The following ATRNL1 variants were observed in gnomAD, a reference collection of about 807,000 sequenced individuals.
The protein encoded by ATRNL1 is attractin like 1.
ATRNL1 carries 95 observed loss-of-function variants against 182.7 expected under a neutral mutation model. The ratio of observed to expected loss-of-function variants is 0.52; its 90% CI spans 0.44 to 0.62. ATRNL1 has a LOEUF of 0.62. Ranked by LOEUF, ATRNL1 falls within the 20% of genes least tolerant of loss-of-function variation. The pLI, the probability that ATRNL1 is intolerant of heterozygous loss-of-function variation, is 0.00. For missense variants in ATRNL1, 1,471 were observed against 1,679.5 expected (o/e 0.88, Z 2.17); for synonymous variants, 576 against 568.3 (o/e 1.01, Z -0.19).
chr10:115,812,077 A>G (rs961681611), intron 27 of ATRNL1, among the ~76,000 whole-genome samples: 1 of 152,050 alleles, frequency 6.6e-6, no homozygotes, highest in African/African-American at 2.4e-5. Context: ...AAATACATTC[A>G]TAATGTTGCA....
chr10:115,520,899 T>C (rs1177351691), intron 25 of ATRNL1, among the ~76,000 whole-genome samples: 1 of 152,202 alleles, frequency 6.6e-6, no homozygotes, highest in Non-Finnish European at 1.5e-5. Flanking sequence ...AATATTATAA[T>C]TTCTATAATG....
intron 27 of ATRNL1, among the ~76,000 whole-genome samples, chr10:115,786,125 A>G (rs192790271): frequency 2.1e-3 from 315 of 152,186 alleles, no homozygotes; most frequent in African/African-American, 7.2e-3. Context: ...CACCTTTAAC[A>G]TTTATATTTC....
intron 26 of ATRNL1, among the ~76,000 whole-genome samples, chr10:115,630,538 C>G (rs1555025957): frequency 6.6e-6 from 1 of 151,476 alleles, no homozygotes; most frequent in Non-Finnish European, 1.5e-5. Flanking sequence ...TGAAATAAGT[C>G]TCTCCAAGAG....
intron 28 of ATRNL1, among the ~76,000 whole-genome samples, chr10:115,884,826 G>A (rs1555109392): frequency 6.6e-6 from 1 of 152,124 alleles, no homozygotes; most frequent in African/African-American, 2.4e-5. Flanking sequence ...GGAACAATGG[G>A]AATATAGTAA....
At chr10:115,172,554 G>C (rs781910278) in intron 8 of ATRNL1, among the ~76,000 whole-genome samples, 1 of 151,770 alleles carries the variant, frequency 6.6e-6, no homozygotes, top group Non-Finnish European at 1.5e-5. Flanking sequence ...CCATTGTTAC[G>C]TTCTAGACCT....
At chr10:115,686,073 TATTA>T (rs1946208868) in intron 26 of ATRNL1, among the ~76,000 whole-genome samples, 2 of 146,130 alleles carry the variant, frequency 1.4e-5, no homozygotes, top group East Asian at 1.9e-4. Context: ...GTTTATAATT[TATTA>T]ATTTATTAAT....
chr10:115,269,608 A>G (rs572824861), intron 13 of ATRNL1, among the ~76,000 whole-genome samples: 1 of 152,332 alleles, frequency 6.6e-6, no homozygotes, highest in South Asian at 2.1e-4. Context: ...TGCTGGGATT[A>G]CAGGCATGAG....
intron 19 of ATRNL1, among the ~76,000 whole-genome samples, chr10:115,387,021 T>C (rs1444426043): frequency 1.3e-5 from 2 of 152,008 alleles, no homozygotes; most frequent in Non-Finnish European, 2.9e-5. Context: ...CCAACCCAAA[T>C]GTCCAACAAT....
At chr10:115,721,001 G>C (rs1201344049) in intron 26 of ATRNL1, among the ~76,000 whole-genome samples, 2 of 152,200 alleles carry the variant, frequency 1.3e-5, no homozygotes, top group Non-Finnish European at 2.9e-5. Flanking sequence ...GTAAGTTAAT[G>C]ATTGAATCCA....
chr10:115,779,533 A>T (rs974182264), intron 27 of ATRNL1, among the ~76,000 whole-genome samples: 2 of 152,190 alleles, frequency 1.3e-5, no homozygotes, highest in Non-Finnish European at 2.9e-5. Context: ...CCTACCAGAA[A>T]TTTCCATCTT....
At chr10:115,860,911 A>G (rs970023447) in intron 28 of ATRNL1, among the ~76,000 whole-genome samples, 2 of 152,190 alleles carry the variant, frequency 1.3e-5, no homozygotes, top group African/African-American at 2.4e-5. Flanking sequence ...CCCAGCCTTC[A>G]GTTCAGGTTC....
intron 9 of ATRNL1, among the ~76,000 whole-genome samples, chr10:115,235,001 C>T (rs970765023): frequency 6.6e-6 from 1 of 152,006 alleles, no homozygotes; most frequent in African/African-American, 2.4e-5. Context: ...GTATCTTTTC[C>T]TGATCCAGGA....
chr10:115,895,656 G>A (rs1057109901), intron 28 of ATRNL1, among the ~76,000 whole-genome samples: 45 of 152,128 alleles, frequency 3.0e-4, no homozygotes, highest in African/African-American at 1.0e-3. Context: ...GGATATAAAA[G>A]CGAGTAAGAC....
intron 18 of ATRNL1, among the ~76,000 whole-genome samples, chr10:115,323,272 A>G (rs1221345550): frequency 6.6e-6 from 1 of 151,966 alleles, no homozygotes; most frequent in Non-Finnish European, 1.5e-5. Context: ...CTTCTGTTGA[A>G]TTCTTCTAGT....
chr10:115,461,301 T>G (rs1287152383), intron 21 of ATRNL1, among the ~76,000 whole-genome samples: 1 of 152,102 alleles, frequency 6.6e-6, no homozygotes, highest in Non-Finnish European at 1.5e-5. Context: ...ATTTAAATGT[T>G]TCACCTTGGT....
At chr10:115,616,369 A>G (rs530541254) in intron 26 of ATRNL1, among the ~76,000 whole-genome samples, 1 of 152,350 alleles carries the variant, frequency 6.6e-6, no homozygotes, top group African/African-American at 2.4e-5. Flanking sequence ...ATATTTACAA[A>G]GAAAGCAGGG....
chr10:115,840,098 C>T (rs1950768884), intron 27 of ATRNL1, among the ~76,000 whole-genome samples: 1 of 152,092 alleles, frequency 6.6e-6, no homozygotes, highest in Non-Finnish European at 1.5e-5. Flanking sequence ...AGTCTGTTCT[C>T]GGCAGCATAT....
intron 27 of ATRNL1, among the ~76,000 whole-genome samples, chr10:115,833,129 G>A (rs184569969): frequency 1.1e-3 from 162 of 152,224 alleles, no homozygotes; most frequent in Non-Finnish European, 1.8e-3. Flanking sequence ...GGAGATAAAG[G>A]AGCTAAATCA....
chr10:115,365,092 A>G (rs1281291248), intron 19 of ATRNL1, among the ~76,000 whole-genome samples: 1 of 149,822 alleles, frequency 6.7e-6, no homozygotes, highest in African/African-American at 2.4e-5. Flanking sequence ...TTCAGAAGGA[A>G]TGGTACCAGT....
Sources: allele counts gnomAD v4.1 joint callset (sites outside exome capture counted in the v4.1 genomes callset), GRCh38; gene constraint gnomAD v4.1.1; transcripts MANE v1.5; gene names NCBI Gene and HGNC (gene_info 2026-07-23, HGNC 2026-07-21).